PHF21B: variants seen among roughly 807,000 people sequenced by gnomAD.
PHF21B encodes PHD finger protein 21B, also known as PHD finger protein 4.
PHF21B carries 22 observed loss-of-function variants against 62.2 expected under a neutral mutation model. That is an observed-to-expected ratio of 0.35 (90% CI 0.25 to 0.51). The LOEUF is 0.51. Ranked by LOEUF, PHF21B falls within the 20% of genes least tolerant of loss-of-function variation. The pLI is 0.97. For missense variants in PHF21B, 701 were observed against 707.9 expected (o/e 0.99, Z 0.11); for synonymous variants, 341 against 314.7 (o/e 1.08, Z -0.88).
intron 2 of PHF21B, among the ~76,000 whole-genome samples, chr22:44,947,327 C>G (rs997280920): frequency 6.6e-6 from 1 of 152,252 alleles, no homozygotes; most frequent in Non-Finnish European, 1.5e-5. Flanking sequence ...TCTCGCAAGG[C>G]AGGGCTCTGC....
intron 2 of PHF21B, among the ~76,000 whole-genome samples, chr22:44,965,791 C>T (rs1434474354): frequency 2.0e-5 from 3 of 152,146 alleles, no homozygotes; most frequent in Non-Finnish European, 2.9e-5. Flanking sequence ...GGCAATGGGG[C>T]GGACGGGGCC....
At chr22:44,947,515 G>A (rs1393848557) in intron 2 of PHF21B, among the ~76,000 whole-genome samples, 1 of 152,198 alleles carries the variant, frequency 6.6e-6, no homozygotes, top group African/African-American at 2.4e-5. Flanking sequence ...AAGGGCTCTG[G>A]GCCCTCCAGG....
At chr22:44,941,734 C>G (rs1293332869) in intron 2 of PHF21B, among the ~76,000 whole-genome samples, 1 of 152,168 alleles carries the variant, frequency 6.6e-6, no homozygotes, top group Non-Finnish European at 1.5e-5. Context: ...GATACGGCGG[C>G]AGGGCCTTCA....
chr22:44,882,271 G>C lies in PHF21B; in HGVS notation c.*815C>G, dbSNP rs2070753178. The stretch of plus-strand genomic sequence containing the variant: ...TGCTGCCCCCCACAACAGGGTTGCA[G>C]CTCCACTCTGCCCAGAAACTCCATG... On this transcript the variant is annotated 3_prime_UTR_variant, in exon 13 of 13. Coordinates refer to ENST00000313237, the MANE Select transcript of PHF21B (RefSeq NM_138415.5). The C allele has an allele frequency of 6.6e-6, 1 of 152,644 alleles. No individual in the cohort carries two copies. The highest frequency in any genetic ancestry group is 2.4e-5 in the African/African-American group (1 of 41,438). The allele number at this position is 152,644 out of a possible 1,614,324, so 9.5% of individuals were successfully genotyped here. A position where few individuals can be genotyped will look rare whatever the true frequency, so the allele number is the denominator to read the frequency against.
At chr22:45,005,491 C>T (rs986937718) in intron 2 of PHF21B, among the ~76,000 whole-genome samples, 1 of 152,212 alleles carries the variant, frequency 6.6e-6, no homozygotes, top group African/African-American at 2.4e-5. Context: ...GAAAACATAT[C>T]TCTATCTACC....
intron 2 of PHF21B, among the ~76,000 whole-genome samples, chr22:44,978,423 G>A (rs770436566): frequency 6.6e-6 from 1 of 152,170 alleles, no homozygotes; most frequent in East Asian, 1.9e-4. Flanking sequence ...GCAGTGGCGC[G>A]ATCTAGGCTC....
chr22:44,980,423 G>GT (rs1275341887), intron 2 of PHF21B, among the ~76,000 whole-genome samples: 32 of 152,282 alleles, frequency 2.1e-4, no homozygotes, highest in Admixed American at 2.1e-3. Context: ...ACCCTGCAGG[G>GT]TTACCGGGCA....
At chr22:44,981,947 C>T (rs554892846) in intron 2 of PHF21B, among the ~76,000 whole-genome samples, 1 of 152,344 alleles carries the variant, frequency 6.6e-6, no homozygotes, top group East Asian at 1.9e-4. Context: ...GAAAGGGGCT[C>T]GTGCCACCCT....
chr22:44,902,002 G>T, intron 5 of PHF21B: 1 of 219,798 alleles, frequency 4.5e-6, no homozygotes. Flanking sequence ...TTGTAAGCCA[G>T]CATCACCCCT....
intron 2 of PHF21B, among the ~76,000 whole-genome samples, chr22:44,937,674 C>T (rs1281108653): frequency 6.6e-6 from 1 of 152,230 alleles, no homozygotes; most frequent in African/African-American, 2.4e-5. Flanking sequence ...AAAGGGAAAA[C>T]AACTCAAATG....
At chr22:44,887,880 T>G (rs1449495112) in intron 10 of PHF21B, 83 bp downstream of exon 10, 1 of 1,306,040 alleles carries the variant, frequency 7.7e-7, no homozygotes, top group Non-Finnish European at 9.8e-7. Context: ...GCCCCTTTTT[T>G]CACCCCTCCT....
chr22:45,006,962 C>T (rs961409188), intron 2 of PHF21B, among the ~76,000 whole-genome samples: 5 of 151,978 alleles, frequency 3.3e-5, no homozygotes, highest in South Asian at 4.1e-4. Flanking sequence ...CCAAAAATGG[C>T]ATCAAAGCAA....
Position 44,916,648 on chromosome 22 carries a change from G to A in PHF21B, c.214-18C>T, listed in dbSNP as rs766810115. On this transcript the variant is annotated intron_variant, in intron 3 of 12. Coordinates refer to ENST00000313237, the MANE Select transcript of PHF21B (RefSeq NM_138415.5). ...GGCCTAACCTGGGAAGAAGGGACAG[G>A]TATGTGGTCAGACAGGCAGACACAC... 2.6e-5 allele frequency: 42 copies of A among 1,597,132 alleles called. No homozygotes were observed. The highest frequency in any genetic ancestry group is 1.5e-4 in the Admixed American group (9 of 59,998).
intron 2 of PHF21B, among the ~76,000 whole-genome samples, chr22:44,925,861 C>T (rs540548711): frequency 6.6e-6 from 1 of 152,336 alleles, no homozygotes; most frequent in Admixed American, 6.5e-5. Context: ...TCTGATCTCC[C>T]CGCCCCTGGC....
chr22:44,972,066 T>C (rs1054996995), intron 2 of PHF21B, among the ~76,000 whole-genome samples: 2 of 152,158 alleles, frequency 1.3e-5, no homozygotes, highest in African/African-American at 4.8e-5. Flanking sequence ...GGCAACACTG[T>C]GTCTGCTCAG....
intron 5 of PHF21B, among the ~76,000 whole-genome samples, chr22:44,907,749 C>G (rs2071276560): frequency 6.6e-6 from 1 of 152,108 alleles, no homozygotes; most frequent in African/African-American, 2.4e-5. Context: ...AGACGGTAAA[C>G]AAGGAAGAAA....
chr22:44,922,350 G>T (rs2071552889), intron 2 of PHF21B, among the ~76,000 whole-genome samples: 1 of 152,112 alleles, frequency 6.6e-6, no homozygotes, highest in South Asian at 2.1e-4. Context: ...AATCAGTTGT[G>T]GGCTGGGCGC....
intron 2 of PHF21B, among the ~76,000 whole-genome samples, chr22:44,990,543 A>G (rs1192159196): frequency 6.6e-6 from 1 of 152,250 alleles, no homozygotes; most frequent in African/African-American, 2.4e-5. Context: ...GTAAGAGTAT[A>G]TTACGCTAAG....
chr22:44,902,299 G>A (rs114913342), intron 5 of PHF21B: 12,103 of 294,962 alleles, frequency 0.041, 402 homozygotes, highest in African/African-American at 0.1. Context: ...GGCAGCGCAA[G>A]GTTGATCATC....
Sources: gnomAD v4.1 joint callset for allele counts (sites outside exome capture counted in the v4.1 genomes callset) on GRCh38, gnomAD v4.1.1 for gene constraint, MANE v1.5 for transcripts, NCBI Gene and HGNC (gene_info 2026-07-23, HGNC 2026-07-21) for gene names.